ABCC6: variants seen among roughly 807,000 people sequenced by gnomAD.
ABCC6 encodes the protein ATP-binding cassette sub-family C member 6.
In ABCC6, 126 loss-of-function variants were observed where a neutral mutation model predicts 169.5. That is an observed-to-expected ratio of 0.74 (90% confidence interval 0.64 to 0.86). The LOEUF (loss-of-function observed/expected upper bound fraction) is 0.86. ABCC6 is among the 40% of genes least tolerant of loss of function. ABCC6 has a pLI of 0.00. For synonymous variants in ABCC6, 752 were observed against 814.7 expected, an observed-to-expected ratio of 0.92 and a Z score of 1.31; for missense variants, 1,733 against 1,927.2, an observed-to-expected ratio of 0.90 and a Z score of 1.89.
At chr16:16,204,837 C>CT (rs869245358) in intron 7 of ABCC6, among the ~76,000 whole-genome samples, 24,725 of 140,124 alleles carry the variant, frequency 0.18, 2,270 homozygotes, top group Non-Finnish European at 0.2. Flanking sequence ...TTTTTCTTTT[C>CT]TTTTTTTTTT....
At chr16:16,182,202 CCTCT>C (rs1369771389) in intron 17 of ABCC6, among the ~76,000 whole-genome samples, 1 of 152,162 alleles carries the variant, frequency 6.6e-6, no homozygotes, top group African/African-American at 2.4e-5. Context: ...CAACTCCCTG[CCTCT>C]CTCTTTGTGT....
At chr16:16,175,845 G>A (rs1170911024) in intron 20 of ABCC6, 66 bp downstream of exon 20, 22 of 1,572,050 alleles carry the variant, frequency 1.4e-5, no homozygotes, top group Non-Finnish European at 1.9e-5. Flanking sequence ...CGAGATGCGG[G>A]TGGTCCCTTC....
At chr16:16,217,861 G>A (rs1240855000) in intron 4 of ABCC6, among the ~76,000 whole-genome samples, 4 of 152,182 alleles carry the variant, frequency 2.6e-5, no homozygotes, top group Non-Finnish European at 5.9e-5. Context: ...AGGCCGAGGC[G>A]GGTGAGTCAC....
In ABCC6 at chr16:16,165,615, C is replaced by G; in HGVS notation, c.3306+8G>C. ...CCGGTCCCGGAAGCCTCCCTGACCT[C>G]TCCGTACCTGAAACCCAGCGTAGAG... On this transcript the variant is annotated splice_region_variant and intron_variant, in intron 23 of 30. Coordinates refer to ENST00000205557, the MANE Select transcript of ABCC6 (RefSeq NM_001171.6). 6.2e-7 allele frequency: 1 copy of G among 1,613,024 alleles called. No individual in the cohort carries two copies. The highest frequency in any genetic ancestry group is 8.5e-7 in the Non-Finnish European group (1 of 1,180,022).
At chr16:16,166,269 G>A (rs966337679) in intron 22 of ABCC6, among the ~76,000 whole-genome samples, 1 of 151,904 alleles carries the variant, frequency 6.6e-6, no homozygotes, top group Non-Finnish European at 1.5e-5. Flanking sequence ...GGCTGGTCTC[G>A]AACTCCTGGG....
Position 16,184,949 on chromosome 16 carries a change from C to G in ABCC6, c.1943+10G>C, listed in dbSNP as rs116092959. On this transcript the variant is annotated intron_variant, in intron 15 of 30. Coordinates refer to ENST00000205557, the MANE Select transcript of ABCC6 (RefSeq NM_001171.6). ...ACATGAGGCTGGTTACTACGGGTGT[C>G]GTTCTGTACCTGTGGAGGCAGGGAG... is the stretch of plus-strand genomic sequence containing the variant. The G allele has an allele frequency of 4.7e-4, 755 of 1,610,726 alleles. 7 individuals are homozygous for G. In the African/African-American group the frequency reaches 8.5e-3, roughly 18 times the overall value.
At chr16:16,174,760 A>ACCCCCCCCCCCCCC (rs386789398) in intron 20 of ABCC6, among the ~76,000 whole-genome samples, 1 of 94,634 alleles carries the variant, frequency 1.1e-5, no homozygotes. Context: ...CTGTCTCAAA[A>ACCCCCCCCCCCCCC]CCCCCCCCCG....
intron 6 of ABCC6, among the ~76,000 whole-genome samples, chr16:16,210,998 G>A (rs1182730902): frequency 2.0e-5 from 3 of 152,136 alleles, no homozygotes; most frequent in Non-Finnish European, 4.4e-5. Flanking sequence ...GGGAGGCTGA[G>A]GCAGGAGAAT....
rs1038427491 is a variant in ABCC6, at chr16:16,211,538, G to A, written c.662+647C>T. 6.2e-4 allele frequency among the ~76,000 whole-genome samples: 95 copies of A among 152,198 alleles called. 2 individuals are homozygous for A. Among genetic ancestry groups the A allele is most frequent in the Non-Finnish European group, 2.5e-4 (17 of 68,046 alleles). Reference sequence around the variant, plus strand: ...CTATCAATCCCATTTTGAAGGAGTGGAGACTGAGGCACAGAGAGGTTAAGT... The same window carrying A: ...CTATCAATCCCATTTTGAAGGAGTGAAGACTGAGGCACAGAGAGGTTAAGT... On this transcript the variant is annotated intron_variant, in intron 6 of 30. Coordinates refer to ENST00000205557, the MANE Select transcript of ABCC6 (RefSeq NM_001171.6).
chr16:16,150,358 C>G (rs889460803), intron 30 of ABCC6, 117 bp from the exon 31 acceptor site: 2 of 1,547,976 alleles, frequency 1.3e-6, no homozygotes, highest in Non-Finnish European at 1.8e-6. Context: ...GCTTTCCATG[C>G]GGCTCCCTGG....
intron 20 of ABCC6, among the ~76,000 whole-genome samples, chr16:16,174,384 AC>A (rs2047203545): frequency 6.6e-6 from 1 of 151,810 alleles, no homozygotes; most frequent in African/African-American, 2.4e-5. Context: ...TTAATCTTTG[AC>A]CCCGTGGCTG....
chr16:16,161,639 G>A (rs2046722972), intron 24 of ABCC6, 75 bp from the exon 25 acceptor site: 5 of 1,595,638 alleles, frequency 3.1e-6, no homozygotes, highest in Admixed American at 1.7e-5. Context: ...CACAAGGACT[G>A]GTCATCACAC....
Position 16,149,846 on chromosome 16 carries a change from C to G in ABCC6, c.*287G>C. On this transcript the variant is annotated 3_prime_UTR_variant, in exon 31 of 31. Coordinates refer to ENST00000205557, the MANE Select transcript of ABCC6 (RefSeq NM_001171.6). ...GAGCCTGGGCATGTGCTTGAGGCCC[C>G]CAGGTGAGTCCAGAGTACAGCGGGG... 1.9e-6 allele frequency: 1 copy of G among 529,346 alleles called. No individual in the cohort carries two copies. The highest frequency in any genetic ancestry group is 2.0e-5 in the South Asian group (1 of 49,184). 32.8% of individuals were successfully genotyped at this position (529,346 alleles called of 1,614,324 possible). A position where few individuals can be genotyped will look rare whatever the true frequency, so the allele number is the denominator to read the frequency against.
intron 27 of ABCC6, among the ~76,000 whole-genome samples, chr16:16,155,954 T>C (rs1159267316): frequency 6.6e-6 from 1 of 152,172 alleles, no homozygotes; most frequent in Non-Finnish European, 1.5e-5. Flanking sequence ...CTTGCTCTAT[T>C]GCCCAGGCTG....
At chr16:16,154,547 T>C in intron 29 of ABCC6, 81 bp downstream of exon 29, 1 of 1,569,636 alleles carries the variant, frequency 6.4e-7, no homozygotes, top group Non-Finnish European at 8.7e-7. Flanking sequence ...GGGGGAGGCA[T>C]TTCCTGAAGG....
chr16:16,153,097 G>A (rs750062386), intron 29 of ABCC6, among the ~76,000 whole-genome samples: 14 of 152,124 alleles, frequency 9.2e-5, no homozygotes, highest in Admixed American at 6.5e-5. Flanking sequence ...TAGAGACGGG[G>A]CTTCACCATA....
intron 29 of ABCC6, 74 bp from the exon 30 acceptor site, chr16:16,150,846 C>T (rs1175563504): frequency 1.9e-6 from 3 of 1,570,986 alleles, no homozygotes; most frequent in African/African-American, 2.7e-5. Flanking sequence ...TGCCCAGAAA[C>T]AGGTCCCTGA....
At chr16:16,169,023 G>C (rs79010276) in intron 22 of ABCC6, among the ~76,000 whole-genome samples, 5,767 of 152,252 alleles carry the variant, frequency 0.038, 300 homozygotes, top group African/African-American at 0.12. Context: ...GGGGGTTGCA[G>C]TGAGCCGAGA....
chr16:16,205,185 G>A (rs1159154992), intron 7 of ABCC6, among the ~76,000 whole-genome samples: 8 of 152,060 alleles, frequency 5.3e-5, no homozygotes, highest in East Asian at 1.9e-4. Context: ...CCGGGGCCAC[G>A]TGCTGGGATC....
Sources: allele counts gnomAD v4.1 joint callset (sites outside exome capture counted in the v4.1 genomes callset), GRCh38; gene constraint gnomAD v4.1.1; transcripts MANE v1.5; gene names NCBI Gene and HGNC (gene_info 2026-07-23, HGNC 2026-07-21).